The following RSPH3 variants were observed in gnomAD, a reference collection of about 807,000 sequenced individuals.
RSPH3 encodes radial spoke head protein 3 homolog.
A neutral mutation model predicts 43.8 loss-of-function variants in RSPH3; 21 were observed. The ratio of observed to expected loss-of-function variants is 0.48; its 90% CI spans 0.34 to 0.69. RSPH3 has a LOEUF of 0.69. Among genes scored for constraint, RSPH3 ranks in the 30% least tolerant of loss-of-function variants. The pLI, the probability that RSPH3 is intolerant of heterozygous loss-of-function variation, is 0.01. For synonymous variants in RSPH3, 173 were observed against 179.8 expected (o/e 0.96, Z 0.30); for missense variants, 487 against 516.0 (o/e 0.94, Z 0.54).
the RSPH3 span, among the ~76,000 whole-genome samples, chr6:158,965,787 A>T: frequency 6.6e-6 from 1 of 152,130 alleles, no homozygotes; most frequent in Non-Finnish European, 1.5e-5. Context: ...AACTTCCAGT[A>T]CAATGTTGAA....
chr6:158,989,304 C>T lies in RSPH3; in HGVS notation c.205-2883G>A, dbSNP rs1778331766. On this transcript the variant is annotated intron_variant, in intron 2 of 7. Coordinates refer to ENST00000367069, the MANE Select transcript of RSPH3 (RefSeq NM_031924.8). This position sits in a 1 kb window ranked among gnomAD's most constrained non-coding sequence, Gnocchi z 4.3. ...TCAAGCGATCTGCCTGCCTTGGCCT[C>T]CCAAAGTGCTGGGATTACAGGCATG... is the stretch of plus-strand genomic sequence containing the variant. 2.0e-5 allele frequency among the ~76,000 whole-genome samples: 3 copies of T among 152,154 alleles called. No individual in the cohort carries two copies. The South Asian group carries it at 6.2e-4, about 32-fold the overall frequency.
chr6:158,998,342 G>C (rs1583732509), intron 1 of RSPH3, among the ~76,000 whole-genome samples: 2 of 146,470 alleles, frequency 1.4e-5, no homozygotes, highest in East Asian at 2.0e-4. Flanking sequence ...GGTGGCGGGC[G>C]CCTGTAGTCC....
intron 2 of RSPH3, among the ~76,000 whole-genome samples, chr6:158,992,461 T>G (rs1469206668): frequency 9.0e-6 from 1 of 111,084 alleles, no homozygotes; most frequent in African/African-American, 3.2e-5. Context: ...TGTGGGGTTT[T>G]TTTTTTTTTT....
intron 3 of RSPH3, among the ~76,000 whole-genome samples, chr6:158,984,819 C>T (rs562209474): frequency 1.2e-4 from 19 of 152,146 alleles, no homozygotes; most frequent in African/African-American, 4.1e-4. Flanking sequence ...CTGGTTCAGT[C>T]TCTGAGGAAA....
At position 158,973,700 on chromosome 6, in the gene RSPH3, T is replaced by C. The variant is rs1777745399; in HGVS notation, c.*3838A>G. ...CACCTTGTGTTGCTCAGAGTGACTT[T>C]GCAGGCCACGCTCATAGCCCTCAGA... On this transcript the variant is annotated 3_prime_UTR_variant, in exon 8 of 8. Transcript: ENST00000367069. 3 of 152,220 alleles carry C rather than the reference T, an allele frequency of 2.0e-5. No individual in the cohort carries two copies. The highest frequency in any genetic ancestry group is 6.5e-5 in the Admixed American group (1 of 15,276). The allele number at this position is 152,220 out of a possible 1,614,324, so 9.4% of individuals were successfully genotyped here.
chr6:158,964,456 TTGAA>T, the RSPH3 span, among the ~76,000 whole-genome samples: 1 of 152,196 alleles, frequency 6.6e-6, no homozygotes, highest in African/African-American at 2.4e-5. Flanking sequence ...CTTTATTTGC[TTGAA>T]TGAGTGTTCC....
At chr6:158,999,351 T>A in intron 1 of RSPH3, 84 bp downstream of exon 1, 3 of 1,309,602 alleles carry the variant, frequency 2.3e-6, no homozygotes, top group Non-Finnish European at 2.0e-6. Flanking sequence ...ATAAGCAGCT[T>A]TTTTGCCAGG....
rs1778324101 is a variant in RSPH3 at position 158,989,083 on chromosome 6, G to C, written c.205-2662C>G. On this transcript the variant is annotated intron_variant, in intron 2 of 7. Transcript: ENST00000367069. The surrounding 1 kb of genome is among the most constrained non-coding windows in gnomAD (Gnocchi z 4.3). ...CTTTTTTGAGACAGAGTCTCGCTCT[G>C]TCACCCTGGCTGGAGTGCAGTGGTG... Among the ~76,000 whole-genome samples, 1 of 149,866 alleles carries C rather than the reference G, an allele frequency of 6.7e-6. No individual in the cohort carries two copies. The highest frequency in any genetic ancestry group is 2.4e-5 in the African/African-American group (1 of 41,166).
chr6:158,964,758 C>T, the RSPH3 span, among the ~76,000 whole-genome samples: 19 of 152,220 alleles, frequency 1.2e-4, no homozygotes, highest in South Asian at 3.5e-3. Context: ...TTCATCCATT[C>T]TCTGAGTTAT....
chr6:158,963,339 C>CCT, the RSPH3 span, among the ~76,000 whole-genome samples: 2 of 129,168 alleles, frequency 1.5e-5, no homozygotes, highest in Non-Finnish European at 3.3e-5. Context: ...TTCCTTCCTT[C>CCT]TCCTTCCTTC....
intron 4 of RSPH3, 103 bp from the exon 5 acceptor site, chr6:158,982,791 CTCCTG>C (rs1234551425): frequency 8.0e-6 from 6 of 753,770 alleles, no homozygotes; most frequent in African/African-American, 1.8e-5. Context: ...TATTAAGTGT[CTCCTG>C]TGTGCCAGAC....
At position 158,981,047 on chromosome 6, in the gene RSPH3, G is replaced by A. The variant is rs1778017781; in HGVS notation, c.697-111C>T. On this transcript the variant is annotated intron_variant, in intron 5 of 7. Coordinates refer to ENST00000367069, the MANE Select transcript of RSPH3 (RefSeq NM_031924.8). ...AGACTTATCAAAAAATGGACAGCGA[G>A]GTGTCTATCTATTAAAGGTTCATAT... 4.1e-6 allele frequency: 4 copies of A among 986,366 alleles called. No individual in the cohort carries two copies. In the Admixed American group the frequency reaches 8.6e-5, roughly 21 times the overall value. 61.1% of individuals were successfully genotyped at this position (986,366 alleles called of 1,614,324 possible).
chr6:158,992,563 G>C (rs1443876759), intron 2 of RSPH3, among the ~76,000 whole-genome samples: 1 of 151,358 alleles, frequency 6.6e-6, no homozygotes, highest in Non-Finnish European at 1.5e-5. Context: ...CAAACTGCTA[G>C]GATTACAGGC....
chr6:158,967,281 C>T, the RSPH3 span, among the ~76,000 whole-genome samples: 1 of 152,144 alleles, frequency 6.6e-6, no homozygotes, highest in Non-Finnish European at 1.5e-5. Context: ...CAGGCACGAG[C>T]CACAGCATCT....
At chr6:158,966,048 C>A in the RSPH3 span, among the ~76,000 whole-genome samples, 2,707 of 152,040 alleles carry the variant, frequency 0.018, 34 homozygotes, top group Middle Eastern at 0.024. Context: ...GGCATATATT[C>A]TTTTCTTTTA....
At chr6:158,964,051 C>A in the RSPH3 span, among the ~76,000 whole-genome samples, 1 of 152,144 alleles carries the variant, frequency 6.6e-6, no homozygotes, top group Non-Finnish European at 1.5e-5. Context: ...AATATATGTA[C>A]CCTATTCAAA....
At chr6:158,984,435 TA>T (rs1562562115) in intron 3 of RSPH3, among the ~76,000 whole-genome samples, 10,506 of 25,690 alleles carry the variant, frequency 0.41, 1,503 homozygotes, top group African/African-American at 0.51. Flanking sequence ...AAAAGTCAAT[TA>T]TATATATATA....
intron 3 of RSPH3, among the ~76,000 whole-genome samples, chr6:158,985,605 A>AT (rs1370062674): frequency 1.3e-5 from 2 of 151,828 alleles, no homozygotes; most frequent in Non-Finnish European, 2.9e-5. Flanking sequence ...CAATTTTAAA[A>AT]TTTTTTTGTA....
chr6:158,977,637 C>A lies in RSPH3; in HGVS notation c.1158G>T (p.Arg386Ser). The A allele has an allele frequency of 2.5e-6, 4 of 1,614,102 alleles. No individual in the cohort carries two copies. Among genetic ancestry groups the A allele is most frequent in the Non-Finnish European group, 3.4e-6 (4 of 1,180,010 alleles). ...CCATAAACTTCCTTTCCTGGGATGA[C>A]CTTCTGTCATATGTTGTTCTTTGTA... ...GYLQRTTYDR[R>S]SSQERKFMEE... The change falls in exon 8 of 8, where the codon AGG (arginine) becomes AGT (serine). Residue 386 changes from arginine to serine, a missense_variant. Coordinates refer to ENST00000367069, the MANE Select transcript of RSPH3 (RefSeq NM_031924.8).
Sources: gnomAD v4.1 joint callset for allele counts (sites outside exome capture counted in the v4.1 genomes callset) on GRCh38, gnomAD v4.1.1 for gene constraint, Gnocchi (gnomAD v3.1) non-coding constraint, MANE v1.5 for transcripts, NCBI Gene and HGNC (gene_info 2026-07-23, HGNC 2026-07-21) for gene names.